Variants in RBM25 observed in about 807,000 individuals in gnomAD.
The protein encoded by RBM25 is RNA-binding protein 25.
RBM25 carries 19 observed loss-of-function variants against 120.7 expected under a neutral mutation model. The ratio of observed to expected loss-of-function variants is 0.16; its 90% CI spans 0.11 to 0.23. The LOEUF (loss-of-function observed/expected upper bound fraction) is 0.23. Among genes scored for constraint, RBM25 ranks in the 10% least tolerant of loss-of-function variants. RBM25 has a pLI of 1.00. For missense variants in RBM25, 605 were observed against 1,041.5 expected (o/e 0.58, Z 5.77); for synonymous variants, 390 against 326.7 (o/e 1.19, Z -2.09).
chr14:73,090,196 AC>A (rs1895780101), intron 6 of RBM25, among the ~76,000 whole-genome samples: 1 of 151,766 alleles, frequency 6.6e-6, no homozygotes, highest in South Asian at 2.1e-4. Context: ...GATTTTAGGC[AC>A]CCGCCACCAC....
chr14:73,066,438 C>T (rs1182238831), intron 1 of RBM25, among the ~76,000 whole-genome samples: 3 of 152,096 alleles, frequency 2.0e-5, no homozygotes, highest in Non-Finnish European at 4.4e-5. Context: ...GAGTTTGAGA[C>T]CAGCCTGGCC....
chr14:73,112,028 T>C, intron 16 of RBM25, 124 bp from the exon 17 acceptor site: 3 of 1,072,480 alleles, frequency 2.8e-6, no homozygotes, highest in Middle Eastern at 2.2e-4. Context: ...TCTTGATACA[T>C]ATCTGTCTTA....
At position 73,119,852 on chromosome 14, in the gene RBM25, C is replaced by A; in HGVS notation, c.*47C>A. 2 of 1,556,220 alleles carry A rather than the reference C, an allele frequency of 1.3e-6. No homozygotes were observed. The highest frequency in any genetic ancestry group is 1.7e-6 in the Non-Finnish European group (2 of 1,162,258). ...CATTTCAGATTTCTTCTTTGCCACC[C>A]TTTTAAGGACTTTGAATTTTTCTTT... is the stretch of plus-strand genomic sequence containing the variant. On this transcript the variant is annotated 3_prime_UTR_variant, in exon 19 of 19. Coordinates refer to ENST00000261973, the MANE Select transcript of RBM25 (RefSeq NM_021239.3).
chr14:73,109,168 A>C (rs927774940), intron 13 of RBM25, 174 bp from the exon 14 acceptor site: 2 of 568,066 alleles, frequency 3.5e-6, no homozygotes, highest in Non-Finnish European at 3.1e-6. Flanking sequence ...CTTGTTATAC[A>C]TTTACATGTA....
intron 3 of RBM25, 117 bp from the exon 4 acceptor site, chr14:73,077,252 C>G (rs1895443982): frequency 1.2e-6 from 1 of 858,932 alleles, no homozygotes; most frequent in Non-Finnish European, 1.7e-6. Flanking sequence ...TACAAGCATG[C>G]AGAGCTTAAA....
intron 14 of RBM25, 89 bp downstream of exon 14, chr14:73,109,581 C>T (rs1421042979): frequency 5.6e-6 from 7 of 1,242,336 alleles, no homozygotes; most frequent in African/African-American, 1.5e-5. Flanking sequence ...ATCACGAGGT[C>T]GGGAGATCGA....
chr14:73,076,103 G>A (rs1895414987), intron 2 of RBM25, among the ~76,000 whole-genome samples: 1 of 152,138 alleles, frequency 6.6e-6, no homozygotes, highest in African/African-American at 2.4e-5. Context: ...TATTGAGGTG[G>A]CCATTTTGTT....
chr14:73,060,185 C>T (rs1008262413), intron 1 of RBM25, among the ~76,000 whole-genome samples: 6 of 151,378 alleles, frequency 4.0e-5, no homozygotes, highest in Non-Finnish European at 1.5e-5. Context: ...ACTACAGGCG[C>T]GCGCCACCAC....
At chr14:73,059,083 T>TA (rs1371985928) in intron 1 of RBM25, among the ~76,000 whole-genome samples, 10 of 152,084 alleles carry the variant, frequency 6.6e-5, no homozygotes, top group Non-Finnish European at 2.9e-5. Flanking sequence ...CCCCCTTACT[T>TA]ACCGGAGCCC....
intron 1 of RBM25, among the ~76,000 whole-genome samples, chr14:73,059,863 A>G (rs868719777): frequency 1.3e-5 from 2 of 152,090 alleles, no homozygotes; most frequent in South Asian, 2.1e-4. Context: ...ATGAATTTAT[A>G]GTAGTATCTA....
intron 18 of RBM25, among the ~76,000 whole-genome samples, chr14:73,118,763 T>G (rs1896485705): frequency 6.6e-6 from 1 of 151,780 alleles, no homozygotes; most frequent in Non-Finnish European, 1.5e-5. Context: ...TTAATTTACA[T>G]TTACTATTTA....
rs751932841 is a variant in RBM25 at position 73,099,655 on chromosome 14, GTTTTC to G, written c.784-7_784-3del. On this transcript the variant is annotated splice_region_variant and splice_polypyrimidine_tract_variant and intron_variant, in intron 8 of 18. Coordinates refer to ENST00000261973, the MANE Select transcript of RBM25 (RefSeq NM_021239.3). ...TCTTTATTCATTCCCTCCTGTGCCCGTTTTCTTTTAGGAGGATATAAATGCTATAG... is the reference window on the plus strand; with the variant it reads ...TCTTTATTCATTCCCTCCTGTGCCCGTTTTAGGAGGATATAAATGCTATAG... The G allele has an allele frequency of 1.9e-6, 3 of 1,591,110 alleles. No homozygotes were observed. The highest frequency in any genetic ancestry group is 2.6e-6 in the Non-Finnish European group (3 of 1,174,458).
In RBM25 at chr14:73,122,132, A is replaced by G. The variant is rs991560126; in HGVS notation, c.*2327A>G. 3 of 152,238 alleles carry G rather than the reference A, an allele frequency of 2.0e-5. No homozygotes were observed. The highest frequency in any genetic ancestry group is 1.9e-4 in the East Asian group (1 of 5,208). 9.4% of individuals were successfully genotyped at this position (152,238 alleles called of 1,614,324 possible). ...CTGAAAATACACATAAGAAATTTCT[A>G]TTAAGTTGCTTGAACTTTGTGGGTT... On this transcript the variant is annotated 3_prime_UTR_variant, in exon 19 of 19. Transcript: ENST00000261973.
At chr14:73,081,336 C>T (rs1895559752) in intron 4 of RBM25, among the ~76,000 whole-genome samples, 1 of 152,154 alleles carries the variant, frequency 6.6e-6, no homozygotes, top group African/African-American at 2.4e-5. Context: ...TGGGGTTTTA[C>T]CATGTTGGCC....
At chr14:73,066,297 C>T (rs1201008687) in intron 1 of RBM25, among the ~76,000 whole-genome samples, 1 of 152,102 alleles carries the variant, frequency 6.6e-6, no homozygotes, top group Non-Finnish European at 1.5e-5. Context: ...GATAACCTAC[C>T]TACTGTTTAA....
chr14:73,122,595 AACCAG>A lies in RBM25; in HGVS notation c.*2791_*2795del, dbSNP rs1896556423. 6.6e-6 allele frequency: 1 copy of A among 152,152 alleles called. No homozygotes were observed. The highest frequency in any genetic ancestry group is 1.5e-5 in the Non-Finnish European group (1 of 68,016). 9.4% of individuals were successfully genotyped at this position (152,152 alleles called of 1,614,324 possible). ...CTGGCCAAAGCGTGAACATCTTAAG[AACCAG>A]TCTTGATCTGGCAAAAAAGTAGTAG... On this transcript the variant is annotated 3_prime_UTR_variant, in exon 19 of 19. Coordinates refer to ENST00000261973, the MANE Select transcript of RBM25 (RefSeq NM_021239.3).
Position 73,103,481 on chromosome 14 carries a change from A to G in RBM25, c.1154+3A>G. 1.3e-6 allele frequency: 2 copies of G among 1,574,966 alleles called. No homozygotes were observed. Among genetic ancestry groups the G allele is most frequent in the East Asian group, 2.2e-5 (1 of 44,530 alleles). Reference sequence around the variant, plus strand: ...AATAAGGATCGCAGTCGATCAAGGTAAGGCTTTACAGAAGTTACTGTTTCC... The same window carrying G: ...AATAAGGATCGCAGTCGATCAAGGTGAGGCTTTACAGAAGTTACTGTTTCC... On this transcript the variant is annotated splice_donor_region_variant and intron_variant, in intron 10 of 18. Coordinates refer to ENST00000261973, the MANE Select transcript of RBM25 (RefSeq NM_021239.3).
intron 18 of RBM25, among the ~76,000 whole-genome samples, chr14:73,117,779 T>C (rs1310271834): frequency 1.3e-5 from 2 of 152,150 alleles, no homozygotes; most frequent in East Asian, 1.9e-4. Flanking sequence ...CAATGTAGTC[T>C]GACTAGAGAT....
In RBM25 at chr14:73,077,355, T is replaced by A; in HGVS notation, c.157-14T>A. On this transcript the variant is annotated splice_polypyrimidine_tract_variant and intron_variant, in intron 3 of 18. Coordinates refer to ENST00000261973, the MANE Select transcript of RBM25 (RefSeq NM_021239.3). The stretch of plus-strand genomic sequence containing the variant: ...AATTGCTGGATCAATTTTTATTTTG[T>A]TTCTTCACCTTAGGTCTTAGTACCC... 1 of 1,575,778 alleles carries A rather than the reference T, an allele frequency of 6.3e-7. No individual in the cohort carries two copies. Among genetic ancestry groups the A allele is most frequent in the Admixed American group, 2.0e-5 (1 of 49,912 alleles).
Sources: allele counts gnomAD v4.1 joint callset (sites outside exome capture counted in the v4.1 genomes callset), GRCh38; gene constraint gnomAD v4.1.1; transcripts MANE v1.5; gene names NCBI Gene and HGNC (gene_info 2026-07-23, HGNC 2026-07-21).